NLRC4: variants seen among roughly 807,000 people sequenced by gnomAD.
NLRC4 encodes the protein NLR family CARD domain containing 4.
In NLRC4, 63 loss-of-function variants were observed where a neutral mutation model predicts 79.9. The observed-to-expected ratio is 0.79, with a 90% CI of 0.64 to 0.97. NLRC4 has a LOEUF of 0.97. Ranked by LOEUF, NLRC4 falls within the 50% of genes least tolerant of loss-of-function variation. The pLI is 0.00. For missense variants in NLRC4, 1,074 were observed against 1,215.2 expected, an observed-to-expected ratio of 0.88 and a Z score of 1.73; for synonymous variants, 461 against 456.5, an observed-to-expected ratio of 1.01 and a Z score of -0.12.
At chr2:32,241,210 A>T (rs1472922425) in intron 4 of NLRC4, 85 bp from the exon 5 acceptor site, 3 of 831,780 alleles carry the variant, frequency 3.6e-6, no homozygotes, top group Non-Finnish European at 5.9e-6. Flanking sequence ...TTTTGTTACC[A>T]ATCAAAAGAT....
chr2:32,255,727 A>G (rs1363558004), intron 2 of NLRC4, among the ~76,000 whole-genome samples: 1 of 152,050 alleles, frequency 6.6e-6, no homozygotes, highest in African/African-American at 2.4e-5. Flanking sequence ...TTAAAATTGG[A>G]AAAGTGGCTA....
At chr2:32,229,339 C>A (rs1047445920) in intron 8 of NLRC4, among the ~76,000 whole-genome samples, 21 of 152,122 alleles carry the variant, frequency 1.4e-4, no homozygotes, top group South Asian at 6.2e-4. Context: ...CGGCATGGAC[C>A]GGTAATCCCA....
At chr2:32,241,533 C>T (rs557708812) in intron 4 of NLRC4, among the ~76,000 whole-genome samples, 36 of 151,788 alleles carry the variant, frequency 2.4e-4, no homozygotes, top group Non-Finnish European at 4.9e-4. Context: ...CCTGCCACCA[C>T]GCCCGGCTAA....
chr2:32,226,329 A>G (rs989533048), intron 8 of NLRC4, among the ~76,000 whole-genome samples: 1 of 152,214 alleles, frequency 6.6e-6, no homozygotes, highest in Non-Finnish European at 1.5e-5. Flanking sequence ...AGTACATTCT[A>G]GAGTGTGTCC....
At chr2:32,243,664 G>T (rs373671221) in intron 4 of NLRC4, among the ~76,000 whole-genome samples, 2 of 151,216 alleles carry the variant, frequency 1.3e-5, no homozygotes, top group Non-Finnish European at 2.9e-5. Context: ...GCTGGGCGTG[G>T]TGGCGCGCCT....
intron 8 of NLRC4, among the ~76,000 whole-genome samples, chr2:32,233,035 C>T (rs1686574465): frequency 6.7e-6 from 1 of 149,892 alleles, no homozygotes; most frequent in Non-Finnish European, 1.5e-5. Flanking sequence ...TCCCTTGAGC[C>T]CAGAAGTTCA....
intron 1 of NLRC4, among the ~76,000 whole-genome samples, chr2:32,259,262 A>ATTGTTTTTTTTTTTTTTTT (rs1687280845): frequency 1.9e-5 from 1 of 52,878 alleles, no homozygotes; most frequent in Non-Finnish European, 3.4e-5. Flanking sequence ...TGCCTGGCTA[A>ATTGTTTTTTTTTTTTTTTT]TTTTTTTTTT....
Position 32,249,662 on chromosome 2 carries a change from A to G in NLRC4, c.2202T>C (p.Ser734=). The change falls in exon 4 of 9, where the codon TCT becomes TCC. Residue 734 remains serine, a synonymous_variant. Transcript: ENST00000402280. The part of the protein sequence containing the change: ...LTIEDERHIT[S]VTNLKTLSIH... ...TACTCAAGGTTTTCAGGTTTGTTAC[A>G]GATGTGATGTGCCTCTCATCTTCTA... 6.2e-7 allele frequency: 1 copy of G among 1,613,146 alleles called. No homozygotes were observed. The highest frequency in any genetic ancestry group is 8.5e-7 in the Non-Finnish European group (1 of 1,179,700).
chr2:32,253,275 G>A (rs1218326214), intron 2 of NLRC4, among the ~76,000 whole-genome samples: 4 of 151,614 alleles, frequency 2.6e-5, no homozygotes, highest in Non-Finnish European at 4.4e-5. Flanking sequence ...TCCGCCTCCT[G>A]AGTAGCTGGG....
intron 8 of NLRC4, among the ~76,000 whole-genome samples, chr2:32,231,579 G>GGGA (rs1558446188): frequency 8.8e-6 from 1 of 113,000 alleles, no homozygotes; most frequent in Non-Finnish European, 1.9e-5. Flanking sequence ...TTTTGTGGGG[G>GGGA]GGGGGTGGGG....
chr2:32,243,470 A>G (rs1319396281), intron 4 of NLRC4, among the ~76,000 whole-genome samples: 1 of 151,928 alleles, frequency 6.6e-6, no homozygotes, highest in Non-Finnish European at 1.5e-5. Context: ...AGAATCAAAA[A>G]TCTTCAACAA....
intron 8 of NLRC4, among the ~76,000 whole-genome samples, chr2:32,230,182 G>T (rs369722561): frequency 5.5e-4 from 83 of 152,184 alleles, no homozygotes; most frequent in African/African-American, 1.9e-3. Context: ...TAAGGAGAAG[G>T]AGAGAAAAAA....
In NLRC4 at chr2:32,240,677, C is replaced by T. The variant is rs191745060; in HGVS notation, c.2350+356G>A. 1.1e-4 allele frequency among the ~76,000 whole-genome samples: 17 copies of T among 152,128 alleles called. No individual in the cohort carries two copies. The East Asian group carries it at 3.1e-3, about 28-fold the overall frequency. ...TTATGAATTTTTTTAACTATGAAAC[C>T]ATAGTATAAACTTTAAAATATTGTT... On this transcript the variant is annotated intron_variant, in intron 5 of 8. Transcript: ENST00000402280.
At position 32,241,032 on chromosome 2, in the gene NLRC4, C is replaced by A; in HGVS notation, c.2350+1G>T. On this transcript the variant is annotated splice_donor_variant, in intron 5 of 8. Coordinates refer to ENST00000402280, the MANE Select transcript of NLRC4 (RefSeq NM_001199138.2). LOFTEE classifies it high-confidence loss of function. ...TACAAATATGAGAACAGAAATCTGA[C>A]CTAGTTTTATAGCATCTTCTTCATT... 1 of 1,553,808 alleles carries A rather than the reference C, an allele frequency of 6.4e-7. No homozygotes were observed. Among genetic ancestry groups the A allele is most frequent in the Non-Finnish European group, 8.9e-7 (1 of 1,126,440 alleles).
At chr2:32,242,529 G>C (rs546643356) in intron 4 of NLRC4, among the ~76,000 whole-genome samples, 1 of 152,130 alleles carries the variant, frequency 6.6e-6, no homozygotes, top group Non-Finnish European at 1.5e-5. Context: ...AAAATTTCCC[G>C]GAAAAGACAT....
At chr2:32,260,562 C>A (rs776628103) in intron 1 of NLRC4, among the ~76,000 whole-genome samples, 6 of 152,174 alleles carry the variant, frequency 3.9e-5, no homozygotes, top group African/African-American at 1.2e-4. Flanking sequence ...CAAATCATAT[C>A]TTTTCTAATA....
intron 2 of NLRC4, among the ~76,000 whole-genome samples, chr2:32,253,704 C>G (rs528226762): frequency 6.6e-6 from 1 of 151,928 alleles, no homozygotes; most frequent in African/African-American, 2.4e-5. Context: ...GTGGCTCACA[C>G]CTGTAACCCC....
intron 8 of NLRC4, among the ~76,000 whole-genome samples, chr2:32,225,965 A>G (rs1357369565): frequency 1.3e-5 from 2 of 152,176 alleles, no homozygotes; most frequent in Non-Finnish European, 2.9e-5. Flanking sequence ...AAGGTCCATG[A>G]TTCAGTTTGG....
At position 32,238,247 on chromosome 2, in the gene NLRC4, A is replaced by G; in HGVS notation, c.2406T>C (p.Ser802=). The part of the protein sequence containing the change: ...KMCLFHLTHL[S]DIGEGMDYIV... ...TGTAATCCATTCCCTCTCCAATGTCAGACAAGTGGGTCAAATGAAATAAAC... is the reference window on the plus strand; with the variant it reads ...TGTAATCCATTCCCTCTCCAATGTCGGACAAGTGGGTCAAATGAAATAAAC... Residue 802 remains serine (S), a synonymous_variant, in exon 6 of 9, where the codon TCT becomes TCC. Coordinates refer to ENST00000402280, the MANE Select transcript of NLRC4 (RefSeq NM_001199138.2). 1 of 1,613,066 alleles carries G rather than the reference A, an allele frequency of 6.2e-7. No homozygotes were observed. The highest frequency in any genetic ancestry group is 8.5e-7 in the Non-Finnish European group (1 of 1,179,616).
Sources: allele counts gnomAD v4.1 joint callset (sites outside exome capture counted in the v4.1 genomes callset), GRCh38; gene constraint gnomAD v4.1.1; transcripts MANE v1.5; gene names NCBI Gene and HGNC (gene_info 2026-07-23, HGNC 2026-07-21).